Variants in OPCML observed in about 807,000 individuals in gnomAD.
OPCML encodes the protein opioid-binding protein/cell adhesion molecule.
In OPCML, 13 loss-of-function variants were observed where a neutral mutation model predicts 37.8. The observed-to-expected ratio is 0.34, with a 90% CI of 0.22 to 0.55. The LOEUF is 0.55. OPCML is among the 20% of genes least tolerant of loss of function. The pLI, the probability that OPCML is intolerant of heterozygous loss-of-function variation, is 0.91. For missense variants in OPCML, 341 were observed against 435.6 expected (o/e 0.78, Z 1.93); for synonymous variants, 176 against 168.8 (o/e 1.04, Z -0.33).
At chr11:133,485,494 G>A (rs1947506973) in intron 1 of OPCML, among the ~76,000 whole-genome samples, 1 of 152,080 alleles carries the variant, frequency 6.6e-6, no homozygotes, top group Non-Finnish European at 1.5e-5. Context: ...TCTTATTGGA[G>A]ACTTTGCTCA....
intron 1 of OPCML, among the ~76,000 whole-genome samples, chr11:133,002,652 A>G (rs931626251): frequency 6.6e-5 from 10 of 152,128 alleles, no homozygotes; most frequent in African/African-American, 1.9e-4. Flanking sequence ...TCATAAGGCT[A>G]TTCTTCACCT....
chr11:132,945,331 C>T (rs1011433637), intron 1 of OPCML, among the ~76,000 whole-genome samples: 2 of 152,344 alleles, frequency 1.3e-5, no homozygotes, highest in Middle Eastern at 3.4e-3. Context: ...CAAGCCTGTA[C>T]AGCATGCTAC....
intron 1 of OPCML, among the ~76,000 whole-genome samples, chr11:132,961,278 G>A (rs894654616): frequency 3.9e-5 from 6 of 152,114 alleles, no homozygotes; most frequent in African/African-American, 1.4e-4. Flanking sequence ...TGCCGTAGAA[G>A]AATGGATTCT....
At chr11:132,445,055 G>A (rs2096050048) in intron 4 of OPCML, among the ~76,000 whole-genome samples, 1 of 152,248 alleles carries the variant, frequency 6.6e-6, no homozygotes, top group Non-Finnish European at 1.5e-5. Flanking sequence ...ACCTTTCTCA[G>A]GCTGTGGCCA....
chr11:132,589,586 G>A (rs2096480873), intron 3 of OPCML, among the ~76,000 whole-genome samples: 1 of 152,206 alleles, frequency 6.6e-6, no homozygotes, highest in African/African-American at 2.4e-5. Context: ...GGTGATCAGA[G>A]AAGGCTCTCT....
At chr11:133,249,335 C>T (rs575314106) in intron 1 of OPCML, among the ~76,000 whole-genome samples, 10 of 152,110 alleles carry the variant, frequency 6.6e-5, no homozygotes, top group African/African-American at 9.6e-5. Context: ...CTCTTTTGAA[C>T]GATCAGTTCT....
chr11:132,467,392 C>T (rs762846742), intron 4 of OPCML, among the ~76,000 whole-genome samples: 2 of 152,230 alleles, frequency 1.3e-5, no homozygotes, highest in Non-Finnish European at 2.9e-5. Context: ...AAATAAAATG[C>T]TGAAGTTTTC....
chr11:132,733,095 T>C (rs1945133901), intron 2 of OPCML, among the ~76,000 whole-genome samples: 1 of 152,146 alleles, frequency 6.6e-6, no homozygotes, highest in South Asian at 2.1e-4. Context: ...TACTTTATTA[T>C]TACAAACACA....
intron 1 of OPCML, among the ~76,000 whole-genome samples, chr11:133,401,251 G>A (rs2136838862): frequency 6.6e-6 from 1 of 152,126 alleles, no homozygotes; most frequent in African/African-American, 2.4e-5. Context: ...AGTAAGATAA[G>A]AATCAAATAT....
At chr11:132,941,287 GAA>G (rs924171302) in intron 2 of OPCML, among the ~76,000 whole-genome samples, 3 of 152,140 alleles carry the variant, frequency 2.0e-5, no homozygotes, top group African/African-American at 7.2e-5. Flanking sequence ...CTCAAGTTTT[GAA>G]GTTTCTGGTT....
At chr11:132,597,297 C>T (rs1012300178) in intron 3 of OPCML, among the ~76,000 whole-genome samples, 1 of 152,122 alleles carries the variant, frequency 6.6e-6, no homozygotes, top group African/African-American at 2.4e-5. Context: ...GACATATTTT[C>T]TCATTGTTGA....
In OPCML at chr11:132,595,144, C is replaced by T. The variant is rs145214045; in HGVS notation, c.379+61943G>A. ...TGGTGATGATGGCCTCTGTTTGAGG[C>T]TGTGCTGCGGTTTGTGAGAGAGCTG... On this transcript the variant is annotated intron_variant, in intron 3 of 7. Transcript: ENST00000524381. Among the ~76,000 whole-genome samples the T allele has an allele frequency of 1.4e-4, 21 of 151,886 alleles. No homozygotes were observed. In the East Asian group the frequency reaches 3.9e-3, roughly 28 times the overall value.
intron 1 of OPCML, among the ~76,000 whole-genome samples, chr11:132,993,969 C>T (rs2136825319): frequency 6.6e-6 from 1 of 152,306 alleles, no homozygotes; most frequent in East Asian, 1.9e-4. Context: ...GGAAAGTCTC[C>T]CTGAGTATTC....
At chr11:132,771,273 A>G (rs1414866311) in intron 2 of OPCML, among the ~76,000 whole-genome samples, 1 of 152,184 alleles carries the variant, frequency 6.6e-6, no homozygotes, top group African/African-American at 2.4e-5. Flanking sequence ...ATTTTTTCCC[A>G]TCTGCTTAGT....
intron 1 of OPCML, among the ~76,000 whole-genome samples, chr11:133,419,814 CA>C: frequency 6.6e-6 from 1 of 152,212 alleles, no homozygotes; most frequent in South Asian, 2.1e-4. Context: ...GTGAATAGCA[CA>C]AAAAATTCAG....
At chr11:133,263,916 G>T (rs557946051) in intron 1 of OPCML, among the ~76,000 whole-genome samples, 1 of 152,246 alleles carries the variant, frequency 6.6e-6, no homozygotes, top group Admixed American at 6.5e-5. Context: ...GCTCAGTTTG[G>T]GACCCAGGGA....
intron 1 of OPCML, among the ~76,000 whole-genome samples, chr11:133,114,450 G>A (rs760990456): frequency 2.0e-4 from 31 of 151,904 alleles, no homozygotes; most frequent in Non-Finnish European, 2.9e-4. Flanking sequence ...TACACACCAC[G>A]TCTACTGCTA....
At chr11:132,952,644 C>T (rs1392869819) in intron 1 of OPCML, among the ~76,000 whole-genome samples, 1 of 152,134 alleles carries the variant, frequency 6.6e-6, no homozygotes, top group Non-Finnish European at 1.5e-5. Flanking sequence ...TGGAAGGAAC[C>T]AACATTGTGC....
intron 3 of OPCML, among the ~76,000 whole-genome samples, chr11:132,601,728 C>G (rs1283058002): frequency 6.6e-6 from 1 of 152,122 alleles, no homozygotes. Context: ...CTAACTCCAC[C>G]TAAACTGATC....
Sources: allele counts gnomAD v4.1 joint callset (sites outside exome capture counted in the v4.1 genomes callset), GRCh38; gene constraint gnomAD v4.1.1; transcripts MANE v1.5; gene names NCBI Gene and HGNC (gene_info 2026-07-23, HGNC 2026-07-21).